Variants in CR1 observed in about 807,000 individuals in gnomAD.
CR1 encodes the protein complement receptor type 1.
A neutral mutation model predicts 187.3 loss-of-function variants in CR1; 116 were observed. The ratio of observed to expected loss-of-function variants is 0.62; its 90% CI spans 0.53 to 0.72. CR1 has a LOEUF of 0.72. Ranked by LOEUF, CR1 falls within the 30% of genes least tolerant of loss-of-function variation. The pLI, the probability that CR1 is intolerant of heterozygous loss-of-function variation, is 0.00. For missense variants in CR1, 1,731 were observed against 2,110.7 expected (o/e 0.82, Z 3.52); for synonymous variants, 576 against 747.1 (o/e 0.77, Z 3.73).
chr1:207,621,699 A>AT (rs777509391), intron 43 of CR1, among the ~76,000 whole-genome samples: 1 of 152,144 alleles, frequency 6.6e-6, no homozygotes. Context: ...GTATCAAAAC[A>AT]TTTTTTGGGT....
Position 207,596,546 on chromosome 1 carries a change from G to A in CR1, c.5810+7772G>A, listed in dbSNP as rs146421909. ...GGAGAATCACTTGAACCCGGGAGGC[G>A]GAGGTTGCAGTGAGCCGAGATGGTG... On this transcript the variant is annotated intron_variant, in intron 35 of 46. Transcript: ENST00000367049. Among the ~76,000 whole-genome samples the A allele has an allele frequency of 6.7e-3, 1,012 of 152,034 alleles. 8 individuals carry two copies. Among genetic ancestry groups the A allele is most frequent in the African/African-American group, 0.022 (912 of 41,492 alleles).
chr1:207,498,890 A>AAAAAAAAAAG (rs911285366), intron 1 of CR1, among the ~76,000 whole-genome samples: 1 of 149,322 alleles, frequency 6.7e-6, no homozygotes, highest in Non-Finnish European at 1.5e-5. Context: ...AAAAAAAAAA[A>AAAAAAAAAAG]AAAGAAACAA....
chr1:207,576,082 T>G (rs1660736103), intron 28 of CR1, among the ~76,000 whole-genome samples: 1 of 152,236 alleles, frequency 6.6e-6, no homozygotes. Flanking sequence ...TTCTTCCTTC[T>G]TATTCTTTGT....
intron 36 of CR1, among the ~76,000 whole-genome samples, chr1:207,609,074 A>ATT (rs147424401): frequency 6.6e-6 from 1 of 151,928 alleles, no homozygotes; most frequent in African/African-American, 2.4e-5. Flanking sequence ...AAAAACATGG[A>ATT]TTTTTTTTGT....
chr1:207,525,377 G>A (rs1417330164), intron 5 of CR1, among the ~76,000 whole-genome samples: 1 of 151,944 alleles, frequency 6.6e-6, no homozygotes, highest in African/African-American at 2.4e-5. Context: ...CAGCACAGGA[G>A]CCTGGAGTGA....
intron 35 of CR1, among the ~76,000 whole-genome samples, chr1:207,604,905 A>G (rs1661702822): frequency 6.6e-6 from 1 of 152,102 alleles, no homozygotes; most frequent in Non-Finnish European, 1.5e-5. Context: ...TTTCAGTTAG[A>G]CAGGAGGAGT....
chr1:207,515,319 C>CAT (rs976795386), intron 4 of CR1, among the ~76,000 whole-genome samples: 4 of 148,660 alleles, frequency 2.7e-5, no homozygotes, highest in Admixed American at 6.7e-5. Context: ...TATATATACA[C>CAT]ATATATATAG....
intron 35 of CR1, among the ~76,000 whole-genome samples, chr1:207,593,288 C>G (rs1012560257): frequency 4.6e-5 from 7 of 152,032 alleles, no homozygotes; most frequent in Non-Finnish European, 7.4e-5. Flanking sequence ...GAACAGAGGC[C>G]TCAGAAATAA....
chr1:207,624,312 T>C (rs1053527728), intron 45 of CR1, among the ~76,000 whole-genome samples: 3 of 152,152 alleles, frequency 2.0e-5, no homozygotes, highest in African/African-American at 7.2e-5. Context: ...GAAGAGAACC[T>C]ACACAGCTTT....
chr1:207,626,451 T>C (rs1226795348), intron 45 of CR1, among the ~76,000 whole-genome samples: 2 of 152,110 alleles, frequency 1.3e-5, no homozygotes, highest in African/African-American at 4.8e-5. Context: ...TATCTGGAGC[T>C]CAAGCTTTCC....
intron 46 of CR1, among the ~76,000 whole-genome samples, chr1:207,634,307 A>G (rs536299199): frequency 1.6e-3 from 247 of 152,334 alleles, no homozygotes; most frequent in Non-Finnish European, 3.0e-3. Context: ...TTCGGTAGGT[A>G]TAAAGTCCTT....
At chr1:207,514,773 G>T (rs907996031) in intron 4 of CR1, among the ~76,000 whole-genome samples, 1 of 151,856 alleles carries the variant, frequency 6.6e-6, no homozygotes, top group Admixed American at 6.6e-5. Context: ...ATAAGATTTT[G>T]ATATCAAAGC....
At chr1:207,579,701 G>A (rs925776208) in intron 29 of CR1, among the ~76,000 whole-genome samples, 1 of 152,198 alleles carries the variant, frequency 6.6e-6, no homozygotes, top group Non-Finnish European at 1.5e-5. Context: ...ACAGTTGCCT[G>A]CCAGGAACCC....
At position 207,580,502 on chromosome 1, in the gene CR1, T is replaced by G; in HGVS notation, c.5114-9T>G. Reference sequence around the variant, plus strand: ...CTATTTTTTCTTTTTTTTTTTTTTCTTCTTCTAGTGAAATCCTGTGATGAC... The same window carrying G: ...CTATTTTTTCTTTTTTTTTTTTTTCGTCTTCTAGTGAAATCCTGTGATGAC... On this transcript the variant is annotated splice_polypyrimidine_tract_variant and intron_variant, in intron 30 of 46. Coordinates refer to ENST00000367049, the MANE Select transcript of CR1 (RefSeq NM_000651.6). 6.3e-7 allele frequency: 1 copy of G among 1,585,624 alleles called. No individual in the cohort carries two copies. Among genetic ancestry groups the G allele is most frequent in the Non-Finnish European group, 8.5e-7 (1 of 1,170,316 alleles).
intron 4 of CR1, among the ~76,000 whole-genome samples, chr1:207,513,423 A>G (rs1410370344): frequency 6.6e-6 from 1 of 152,084 alleles, no homozygotes; most frequent in Non-Finnish European, 1.5e-5. Flanking sequence ...GAAACTCCCC[A>G]TGTGAATGTA....
chr1:207,564,836 T>C (rs1660443398), intron 23 of CR1, among the ~76,000 whole-genome samples: 1 of 150,024 alleles, frequency 6.7e-6, no homozygotes, highest in African/African-American at 2.5e-5. Context: ...AAAGGGAATA[T>C]GAGTAATTTA....
intron 4 of CR1, among the ~76,000 whole-genome samples, chr1:207,522,400 C>G (rs1386799700): frequency 6.6e-6 from 1 of 152,196 alleles, no homozygotes; most frequent in African/African-American, 2.4e-5. Flanking sequence ...AAGGTATTAC[C>G]AGGCCTTCCA....
rs1332465158 is a variant in CR1 at position 207,579,280 on chromosome 1, A to G, written c.4937-960A>G. On this transcript the variant is annotated intron_variant, in intron 29 of 46. Transcript: ENST00000367049. ...GCTTAGCAGCTGTGTAGGAGGTGTT[A>G]TGGTTGATACATAGGGACAGAGAAG... is the stretch of plus-strand genomic sequence containing the variant. 2.0e-5 allele frequency among the ~76,000 whole-genome samples: 3 copies of G among 152,286 alleles called. No individual in the cohort carries two copies. In the East Asian group the frequency reaches 5.8e-4, roughly 29 times the overall value.
Position 207,619,971 on chromosome 1 carries a change from G to A in CR1, c.7158G>A (p.Leu2386=). The change falls in exon 43 of 47, where the codon TTG becomes TTA. Residue 2386 remains leucine (L), a synonymous_variant. Coordinates refer to ENST00000367049, the MANE Select transcript of CR1 (RefSeq NM_000651.6). Reference sequence around the variant, plus strand: ...ATCACTATGGAGATTATGTGACTTTGAAGTGTGAAGATGGGTATACTCTGG... The same window carrying A: ...ATCACTATGGAGATTATGTGACTTTAAAGTGTGAAGATGGGTATACTCTGG... The part of the protein sequence containing the change: ...KVYHYGDYVT[L]KCEDGYTLEG... The A allele has an allele frequency of 6.2e-7, 1 of 1,613,594 alleles. No homozygotes were observed. The highest frequency in any genetic ancestry group is 8.5e-7 in the Non-Finnish European group (1 of 1,179,750).
Sources: allele counts gnomAD v4.1 joint callset (sites outside exome capture counted in the v4.1 genomes callset), GRCh38; gene constraint gnomAD v4.1.1; transcripts MANE v1.5; gene names NCBI Gene and HGNC (gene_info 2026-07-23, HGNC 2026-07-21).